SPTAN1: variants seen among roughly 807,000 people sequenced by gnomAD.
The protein encoded by SPTAN1 is spectrin alpha, non-erythrocytic 1.
Under a neutral mutation model 331.3 loss-of-function variants are expected in SPTAN1, and 61 were observed. The ratio of observed to expected loss-of-function variants is 0.18; its 90% confidence interval spans 0.15 to 0.23. SPTAN1 has a LOEUF of 0.23. Ranked by LOEUF, SPTAN1 falls within the 10% of genes least tolerant of loss-of-function variation. The pLI is 1.00. For synonymous variants in SPTAN1, 1,153 were observed against 1,173.9 expected (o/e 0.98, Z 0.36); for missense variants, 2,043 against 3,147.9 (o/e 0.65, Z 8.40).
At chr9:128,619,119 C>CA in intron 44 of SPTAN1, 116 bp downstream of exon 44, 1 of 1,492,852 alleles carries the variant, frequency 6.7e-7, no homozygotes, top group South Asian at 1.2e-5. Context: ...CACACAGGGC[C>CA]AGCAGCCAAG....
In SPTAN1 at chr9:128,626,284, C is replaced by T. The variant is rs1589387795; in HGVS notation, c.6280-107C>T. 2.9e-6 allele frequency: 4 copies of T among 1,359,794 alleles called. No homozygotes were observed. The East Asian group carries it at 9.1e-5, about 31-fold the overall frequency. The allele number at this position is 1,359,794 out of a possible 1,614,324, so 84.2% of individuals were successfully genotyped here. A position where few individuals can be genotyped will look rare whatever the true frequency, so the allele number is the denominator to read the frequency against. On this transcript the variant is annotated intron_variant, in intron 48 of 56. Transcript: ENST00000372739. The stretch of plus-strand genomic sequence containing the variant: ...AGAGGGGAGCTAAGCTCCCAGCAGG[C>T]TGTGTGCGCCTCTGATTCCCAGGAA...
chr9:128,618,146 G>C (rs1449353123), intron 43 of SPTAN1, 38 bp downstream of exon 43: 2 of 1,611,486 alleles, frequency 1.2e-6, no homozygotes, highest in Admixed American at 3.3e-5. Context: ...GGAACAAGTG[G>C]AAGGCCAGCA....
rs920455827 is a variant in SPTAN1 at position 128,584,512 on chromosome 9, A to G, written c.2424A>G (p.Ala808=). The change falls in exon 17 of 57, where the codon GCA becomes GCG. Residue 808 remains alanine, a synonymous_variant. Coordinates refer to ENST00000372739, the MANE Select transcript of SPTAN1 (RefSeq NM_001130438.3). ...TWIREKEPIA[A]STNRGKDLIG... ...TTCGAGAGAAAGAGCCCATTGCCGCATCTACCAACAGAGGTCAGTCTGCTT... is the reference window on the plus strand; with the variant it reads ...TTCGAGAGAAAGAGCCCATTGCCGCGTCTACCAACAGAGGTCAGTCTGCTT... 3 of 1,614,058 alleles carry G rather than the reference A, an allele frequency of 1.9e-6. No homozygotes were observed. Among genetic ancestry groups the G allele is most frequent in the East Asian group, 2.2e-5 (1 of 44,900 alleles).
At chr9:128,619,668 CTTTGCAGAGGACA>C (rs1228231152) in intron 44 of SPTAN1, among the ~76,000 whole-genome samples, 1 of 152,206 alleles carries the variant, frequency 6.6e-6, no homozygotes, top group Non-Finnish European at 1.5e-5. Flanking sequence ...CTCATCTTAC[CTTTGCAGAGGACA>C]TTTGCAAAGA....
Position 128,598,825 on chromosome 9 carries a change from C to G in SPTAN1, c.3520-138C>G, listed in dbSNP as rs1854661075. On this transcript the variant is annotated intron_variant, in intron 25 of 56. Transcript: ENST00000372739. The stretch of plus-strand genomic sequence containing the variant: ...AGTTTATATATAAATACTTGAAGCT[C>G]TGCTGGACATTTGGACTGGCATTTC... 14 of 800,038 alleles carry G rather than the reference C, an allele frequency of 1.7e-5. No individual in the cohort carries two copies. The East Asian group carries it at 3.6e-4, about 21-fold the overall frequency. The allele number at this position is 800,038 out of a possible 1,614,324, so 49.6% of individuals were successfully genotyped here. A position where few individuals can be genotyped will look rare whatever the true frequency, so the allele number is the denominator to read the frequency against.
At chr9:128,572,465 C>G in intron 3 of SPTAN1, among the ~76,000 whole-genome samples, 1 of 94,968 alleles carries the variant, frequency 1.1e-5, no homozygotes, top group East Asian at 2.4e-4. Flanking sequence ...TGGGACAGGC[C>G]TTGCCCTAGT....
In SPTAN1 at chr9:128,577,323, A is replaced by G; in HGVS notation, c.931-29A>G. The G allele has an allele frequency of 6.2e-7, 1 of 1,614,196 alleles. No homozygotes were observed. ...TGTAAATAAGTTACCAAGGGTCAGG[A>G]GAATAGTTCTGACGGAGTTCATTTC... On this transcript the variant is annotated intron_variant, in intron 7 of 56. Transcript: ENST00000372739. The surrounding 1 kb of genome is among the most constrained non-coding windows in gnomAD (Gnocchi z 4.2).
chr9:128,622,604 G>T (rs1307723706), intron 45 of SPTAN1, among the ~76,000 whole-genome samples: 1 of 151,726 alleles, frequency 6.6e-6, no homozygotes, highest in Non-Finnish European at 1.5e-5. Flanking sequence ...CGGCCAGCGA[G>T]CCGGCTGCTT....
At chr9:128,628,477 C>T (rs906990555) in intron 51 of SPTAN1, 6 of 317,212 alleles carry the variant, frequency 1.9e-5, no homozygotes, top group South Asian at 1.3e-4. Context: ...GACTGTCCGC[C>T]CTAATAGAAG....
rs13440054 is a variant in SPTAN1, at chr9:128,558,326, C to T, written c.-4+5630C>T. Reference sequence around the variant, plus strand: ...CGTTGCAGCATTTATAAATAGCCTACGTCTTCAGTCTCCTCTAATAATATT... The same window carrying T: ...CGTTGCAGCATTTATAAATAGCCTATGTCTTCAGTCTCCTCTAATAATATT... On this transcript the variant is annotated intron_variant, in intron 1 of 56. Coordinates refer to ENST00000372739, the MANE Select transcript of SPTAN1 (RefSeq NM_001130438.3). Among the ~76,000 whole-genome samples the T allele has an allele frequency of 4.0e-3, 603 of 152,346 alleles. 5 individuals are homozygous for T. Among genetic ancestry groups the T allele is most frequent in the African/African-American group, 0.014 (569 of 41,572 alleles).
chr9:128,583,242 A>T lies in SPTAN1; in HGVS notation c.1972A>T (p.Ser658Cys), dbSNP rs772073109. The T allele has an allele frequency of 6.2e-7, 1 of 1,614,000 alleles. No individual in the cohort carries two copies. Among genetic ancestry groups the T allele is most frequent in the Non-Finnish European group, 8.5e-7 (1 of 1,180,026 alleles). ...EVAARMNEVI[S>C]LWKKLLEATE... ...GGCAGCTCGTATGAATGAGGTGATC[A>T]GTTTGTGGAAGAAACTGCTAGAGGC... is the stretch of plus-strand genomic sequence containing the variant. Residue 658 changes from serine (S) to cysteine (C), a missense_variant, in exon 15 of 57, where the codon AGT (serine) becomes TGT (cysteine). Physicochemically the swap from Ser to Cys is moderately radical, Grantham distance 112. Transcript: ENST00000372739.
At position 128,578,368 on chromosome 9, in the gene SPTAN1, A is replaced by G. The variant is rs1268784978; in HGVS notation, c.1221+123A>G. 3.8e-6 allele frequency: 5 copies of G among 1,314,736 alleles called. No individual in the cohort carries two copies. The East Asian group carries it at 9.7e-5, about 25-fold the overall frequency. The allele number at this position is 1,314,736 out of a possible 1,614,324, so 81.4% of individuals were successfully genotyped here. On this transcript the variant is annotated intron_variant, in intron 9 of 56. Transcript: ENST00000372739. Reference sequence around the variant, plus strand: ...ATGTTATTCACAGGTGTTTCTCATCATGAGGATTATGGTTGGTTTTGCCTT... The same window carrying G: ...ATGTTATTCACAGGTGTTTCTCATCGTGAGGATTATGGTTGGTTTTGCCTT...
chr9:128,603,748 C>G (rs992373039), intron 28 of SPTAN1, among the ~76,000 whole-genome samples, 158 bp downstream of exon 28: 1 of 152,250 alleles, frequency 6.6e-6, no homozygotes, highest in African/African-American at 2.4e-5. Flanking sequence ...TCAGCACATT[C>G]ATGGCCGCTG....
Position 128,600,105 on chromosome 9 carries a change from C to T in SPTAN1, c.3569C>T (p.Ser1190Phe), listed in dbSNP as rs1046110538. ...GATGAAACTGATTCCAAGACAGCCT[C>T]CCCGTGGAAGGTAAGAACTCCTTTG... is the stretch of plus-strand genomic sequence containing the variant. Reference protein sequence around the residue: ...PRDETDSKTASPWKSARLMVH... With the variant: ...PRDETDSKTAFPWKSARLMVH... The change falls in exon 27 of 57, where the codon TCC becomes TTC. Residue 1190 changes from serine (S) to phenylalanine (F), a missense_variant. Physicochemically the swap from Ser to Phe is radical, Grantham distance 155. Coordinates refer to ENST00000372739, the MANE Select transcript of SPTAN1 (RefSeq NM_001130438.3). The T allele has an allele frequency of 1.2e-6, 2 of 1,614,168 alleles. No homozygotes were observed. The highest frequency in any genetic ancestry group is 1.7e-5 in the Admixed American group (1 of 60,028).
In SPTAN1 at chr9:128,624,372, G is replaced by A; in HGVS notation, c.5877G>A (p.Leu1959=). ...EENISSKMKG[L]NGKVSDLEKA... ...ACATCTCTTCAAAGATGAAGGGCCT[G>A]AACGGGAAAGTGTCAGACCTGGAGA... Residue 1959 remains leucine (L), a synonymous_variant, in exon 46 of 57, where the codon CTG becomes CTA. Coordinates refer to ENST00000372739, the MANE Select transcript of SPTAN1 (RefSeq NM_001130438.3). 1 of 1,614,036 alleles carries A rather than the reference G, an allele frequency of 6.2e-7. No individual in the cohort carries two copies. Among genetic ancestry groups the A allele is most frequent in the Non-Finnish European group, 8.5e-7 (1 of 1,180,024 alleles).
At chr9:128,587,286 T>C (rs1279886449) in intron 19 of SPTAN1, among the ~76,000 whole-genome samples, 11 of 151,488 alleles carry the variant, frequency 7.3e-5, no homozygotes, top group Non-Finnish European at 1.6e-4. Context: ...GGTTTCAGTA[T>C]GTTGCCCAGG....
At chr9:128,569,026 C>T (rs531872531) in intron 3 of SPTAN1, 129 bp downstream of exon 3, 4 of 1,312,478 alleles carry the variant, frequency 3.0e-6, no homozygotes, top group African/African-American at 2.9e-5. Context: ...TATGAAGTCT[C>T]CTTAAGAAGT....
chr9:128,578,957 T>C (rs899886511), intron 9 of SPTAN1, among the ~76,000 whole-genome samples: 2 of 152,128 alleles, frequency 1.3e-5, no homozygotes, highest in Admixed American at 6.5e-5. Context: ...AAAATACTAC[T>C]TATTAGAGCA....
intron 27 of SPTAN1, among the ~76,000 whole-genome samples, chr9:128,602,915 C>T (rs926675265): frequency 5.9e-5 from 9 of 152,164 alleles, no homozygotes; most frequent in Non-Finnish European, 7.3e-5. Context: ...GGATTACAGG[C>T]GTGAGCCAGC....
Sources: gnomAD v4.1 joint callset for allele counts (sites outside exome capture counted in the v4.1 genomes callset) on GRCh38, gnomAD v4.1.1 for gene constraint, Gnocchi (gnomAD v3.1) non-coding constraint, MANE v1.5 for transcripts, NCBI Gene and HGNC (gene_info 2026-07-23, HGNC 2026-07-21) for gene names.